Variants in AGPAT4 observed in about 807,000 individuals in gnomAD.
The protein encoded by AGPAT4 is 1-acylglycerol-3-phosphate O-acyltransferase 4, also known as 1-acyl-sn-glycerol-3-phosphate acyltransferase delta.
Under a neutral mutation model 48.0 loss-of-function variants are expected in AGPAT4, and 15 were observed. That is an observed-to-expected ratio of 0.31 (90% CI 0.21 to 0.48). AGPAT4 has a LOEUF of 0.48. Ranked by LOEUF, AGPAT4 falls within the 20% of genes least tolerant of loss-of-function variation. The pLI is 0.99. For missense variants in AGPAT4, 314 were observed against 482.5 expected, an observed-to-expected ratio of 0.65 and a Z score of 3.27; for synonymous variants, 178 against 198.7, an observed-to-expected ratio of 0.90 and a Z score of 0.88.
Position 161,148,903 on chromosome 6 carries a change from C to T in AGPAT4, c.767+284G>A, listed in dbSNP as rs934072165. Among the ~76,000 whole-genome samples the T allele has an allele frequency of 1.3e-5, 2 of 152,232 alleles. No individual in the cohort carries two copies. Among genetic ancestry groups the T allele is most frequent in the African/African-American group, 4.8e-5 (2 of 41,466 alleles). ...ACGAAAAGGGTCAATAACATATTCTCTTCACACCAACACCAAAATAATTAT... is the reference window on the plus strand; with the variant it reads ...ACGAAAAGGGTCAATAACATATTCTTTTCACACCAACACCAAAATAATTAT... On this transcript the variant is annotated intron_variant, in intron 6 of 8. Coordinates refer to ENST00000320285, the MANE Select transcript of AGPAT4 (RefSeq NM_020133.3). The surrounding 1 kb of genome is among the most constrained non-coding windows in gnomAD (Gnocchi z 5.5).
At chr6:161,265,195 TG>T (rs772408895) in intron 1 of AGPAT4, among the ~76,000 whole-genome samples, 3,243 of 77,172 alleles carry the variant, frequency 0.042, 72 homozygotes, top group Admixed American at 0.15. Context: ...GACTGGGTGC[TG>T]GATTAGTACC....
At chr6:161,211,068 G>A (rs913657962) in intron 2 of AGPAT4, among the ~76,000 whole-genome samples, 3 of 152,178 alleles carry the variant, frequency 2.0e-5, no homozygotes, top group African/African-American at 7.2e-5. Context: ...AAGCAAGATG[G>A]AGTCAGTTAC....
rs1054301792 is a variant in AGPAT4, at chr6:161,270,311, T to A, written c.-90+3627A>T. Among the ~76,000 whole-genome samples the A allele has an allele frequency of 2.6e-5, 4 of 152,166 alleles. No individual in the cohort carries two copies. The highest frequency in any genetic ancestry group is 4.4e-5 in the Non-Finnish European group (3 of 68,016). Reference sequence around the variant, plus strand: ...CCAAGCCCATGCATGAAGCCAGGTTTCAGAGTTCCAGCGCTTCCTTTCCAA... The same window carrying A: ...CCAAGCCCATGCATGAAGCCAGGTTACAGAGTTCCAGCGCTTCCTTTCCAA... On this transcript the variant is annotated intron_variant, in intron 1 of 8. Coordinates refer to ENST00000320285, the MANE Select transcript of AGPAT4 (RefSeq NM_020133.3). The surrounding 1 kb of genome is among the most constrained non-coding windows in gnomAD (Gnocchi z 5.3).
rs985359379 is a variant in AGPAT4 at position 161,259,979 on chromosome 6, G to T, written c.-90+13959C>A. The stretch of plus-strand genomic sequence containing the variant: ...CACTGGAGGAAACTTCCATTCACCT[G>T]GCGCTATACGTGTTTGGGGCTGGGG... On this transcript the variant is annotated intron_variant, in intron 1 of 8. Coordinates refer to ENST00000320285, the MANE Select transcript of AGPAT4 (RefSeq NM_020133.3). This position sits in a 1 kb window ranked among gnomAD's most constrained non-coding sequence, Gnocchi z 4.9. 2.6e-5 allele frequency among the ~76,000 whole-genome samples: 4 copies of T among 152,088 alleles called. No individual in the cohort carries two copies. Among genetic ancestry groups the T allele is most frequent in the African/African-American group, 7.2e-5 (3 of 41,420 alleles).
rs968409253 is a variant in AGPAT4, at chr6:161,205,578, A to G, written c.178+26458T>C. On this transcript the variant is annotated intron_variant, in intron 2 of 8. Coordinates refer to ENST00000320285, the MANE Select transcript of AGPAT4 (RefSeq NM_020133.3). ...TCTACTCAGGATGTCACCAATTACC[A>G]TGGAACATCAACTAGATAAATACCT... is the stretch of plus-strand genomic sequence containing the variant. Among the ~76,000 whole-genome samples the G allele has an allele frequency of 4.5e-4, 68 of 152,120 alleles. 1 individual carries two copies. Among genetic ancestry groups the G allele is most frequent in the Admixed American group, 4.3e-3 (66 of 15,266 alleles).
rs1779068627 is a variant in AGPAT4 at position 161,136,456 on chromosome 6, C to T, written c.*84G>A. 1.5e-6 allele frequency: 2 copies of T among 1,315,368 alleles called. No individual in the cohort carries two copies. The highest frequency in any genetic ancestry group is 2.2e-6 in the Non-Finnish European group (2 of 920,292). 81.5% of individuals were successfully genotyped at this position (1,315,368 alleles called of 1,614,324 possible). ...CGTGCCCAGCAGGGGCTCACCCAGCCTTTGTCACCGTGTCCCACTAAGGAG... is the reference window on the plus strand; with the variant it reads ...CGTGCCCAGCAGGGGCTCACCCAGCTTTTGTCACCGTGTCCCACTAAGGAG... On this transcript the variant is annotated 3_prime_UTR_variant, in exon 9 of 9. Transcript: ENST00000320285.
At position 161,212,805 on chromosome 6, in the gene AGPAT4, C is replaced by T. The variant is rs182215217; in HGVS notation, c.178+19231G>A. On this transcript the variant is annotated intron_variant, in intron 2 of 8. Coordinates refer to ENST00000320285, the MANE Select transcript of AGPAT4 (RefSeq NM_020133.3). The surrounding 1 kb of genome is among the most constrained non-coding windows in gnomAD (Gnocchi z 6.1). ...GGTGGTTTTATAATCAGCTATAGAA[C>T]TCTAACAGGTGTTCTTAAATGCAGG... Among the ~76,000 whole-genome samples the T allele has an allele frequency of 5.9e-5, 9 of 152,268 alleles. No homozygotes were observed. In the East Asian group the frequency reaches 7.7e-4, roughly 13 times the overall value.
At chr6:161,157,741 T>TAG (rs1236929698) in intron 3 of AGPAT4, among the ~76,000 whole-genome samples, 1 of 152,232 alleles carries the variant, frequency 6.6e-6, no homozygotes, top group Non-Finnish European at 1.5e-5. Flanking sequence ...AATATTAAGG[T>TAG]AGAAGCTTTT....
rs967563579 is a variant in AGPAT4 at position 161,138,461 on chromosome 6, G to A, written c.1042+961C>T. 7.2e-5 allele frequency among the ~76,000 whole-genome samples: 11 copies of A among 152,072 alleles called. No homozygotes were observed. Among genetic ancestry groups the A allele is most frequent in the Non-Finnish European group, 1.6e-4 (11 of 68,014 alleles). ...GAGCTGAAGAAACTCCACTGATACGGGTTTATAGATGCACATATGCTTGAG... is the reference window on the plus strand; with the variant it reads ...GAGCTGAAGAAACTCCACTGATACGAGTTTATAGATGCACATATGCTTGAG... On this transcript the variant is annotated intron_variant, in intron 8 of 8. Coordinates refer to ENST00000320285, the MANE Select transcript of AGPAT4 (RefSeq NM_020133.3). The surrounding 1 kb of genome is among the most constrained non-coding windows in gnomAD (Gnocchi z 4.8).
Position 161,145,360 on chromosome 6 carries a change from A to G in AGPAT4, c.843+1164T>C, listed in dbSNP as rs573367200. Among the ~76,000 whole-genome samples the G allele has an allele frequency of 2.6e-5, 4 of 151,760 alleles. No individual in the cohort carries two copies. In the South Asian group the frequency reaches 8.3e-4, roughly 31 times the overall value. On this transcript the variant is annotated intron_variant, in intron 7 of 8. Coordinates refer to ENST00000320285, the MANE Select transcript of AGPAT4 (RefSeq NM_020133.3). ...CATACATACAATTTGTAATTTGTGT[A>G]TTTGTAAGGGGATACCAGAGAGCAA...
rs750540926 is a variant in AGPAT4, at chr6:161,195,395, T to C, written c.179-28978A>G. ...GGCGGGTTATAAACACCTTTCATTATATGGCATGACCTGCAAGGAATGCTT... is the reference window on the plus strand; with the variant it reads ...GGCGGGTTATAAACACCTTTCATTACATGGCATGACCTGCAAGGAATGCTT... On this transcript the variant is annotated intron_variant, in intron 2 of 8. Coordinates refer to ENST00000320285, the MANE Select transcript of AGPAT4 (RefSeq NM_020133.3). The surrounding 1 kb of genome is among the most constrained non-coding windows in gnomAD (Gnocchi z 5.0). Among the ~76,000 whole-genome samples, 3 of 152,202 alleles carry C rather than the reference T, an allele frequency of 2.0e-5. No individual in the cohort carries two copies. Among genetic ancestry groups the C allele is most frequent in the Non-Finnish European group, 4.4e-5 (3 of 68,028 alleles).
At chr6:161,205,921 A>G (rs1192928619) in intron 2 of AGPAT4, among the ~76,000 whole-genome samples, 1 of 152,158 alleles carries the variant, frequency 6.6e-6, no homozygotes, top group African/African-American at 2.4e-5. Context: ...GCATGGCTAA[A>G]AACCCTGGAC....
At chr6:161,176,433 G>A (rs1406917202) in intron 2 of AGPAT4, among the ~76,000 whole-genome samples, 1 of 152,170 alleles carries the variant, frequency 6.6e-6, no homozygotes, top group Non-Finnish European at 1.5e-5. Flanking sequence ...TTTAAAGTCT[G>A]TTTTATCAGA....
Position 161,147,223 on chromosome 6 carries a change from CTG to C in AGPAT4, c.768-626_768-625del, listed in dbSNP as rs1338599347. 2.6e-5 allele frequency among the ~76,000 whole-genome samples: 4 copies of C among 152,114 alleles called. No homozygotes were observed. In the East Asian group the frequency reaches 7.7e-4, roughly 29 times the overall value. On this transcript the variant is annotated intron_variant, in intron 6 of 8. Transcript: ENST00000320285. This position sits in a 1 kb window ranked among gnomAD's most constrained non-coding sequence, Gnocchi z 4.8. ...TGGCTCAGACAGGGGTCTTGAGTCA[CTG>C]TGCACCAGCGAGAGCTCAGAGACTT...
At chr6:161,248,077 C>G (rs973930121) in intron 1 of AGPAT4, among the ~76,000 whole-genome samples, 1 of 146,122 alleles carries the variant, frequency 6.8e-6, no homozygotes, top group Non-Finnish European at 1.5e-5. Context: ...GGAAGTCAAA[C>G]TATCCCTGTT....
Position 161,166,272 on chromosome 6 carries a change from C to T in AGPAT4, c.324G>A (p.Leu108=), listed in dbSNP as rs1780094035. Residue 108 remains leucine, a synonymous_variant, in exon 3 of 9, where the codon CTG becomes CTA. Coordinates refer to ENST00000320285, the MANE Select transcript of AGPAT4 (RefSeq NM_020133.3). This position sits in a 1 kb window ranked among gnomAD's most constrained non-coding sequence, Gnocchi z 6.7. Reference sequence around the variant, plus strand: ...CCCCTAACAGCCCAAAGCGTTCGGACAGGCTCCAGCCACACAGAAAGTCAA... The same window carrying T: ...CCCCTAACAGCCCAAAGCGTTCGGATAGGCTCCAGCCACACAGAAAGTCAA... The part of the protein sequence containing the change: ...FEIDFLCGWS[L]SERFGLLGGS... The T allele has an allele frequency of 1.9e-6, 3 of 1,614,108 alleles. No individual in the cohort carries two copies. In the South Asian group the frequency reaches 3.3e-5, roughly 18 times the overall value.
intron 1 of AGPAT4, among the ~76,000 whole-genome samples, chr6:161,237,825 C>G (rs1004400847): frequency 6.6e-6 from 1 of 152,014 alleles, no homozygotes; most frequent in South Asian, 2.1e-4. Flanking sequence ...TCCCAGCCCC[C>G]GTGAAGGTTA....
rs1344301465 is a variant in AGPAT4, at chr6:161,219,170, C to CTATATA, written c.178+12860_178+12865dup. Among the ~76,000 whole-genome samples the CTATATA allele has an allele frequency of 6.6e-6, 1 of 151,930 alleles. No individual in the cohort carries two copies. The highest frequency in any genetic ancestry group is 1.5e-5 in the Non-Finnish European group (1 of 68,000). ...CTATTTCCCCCTTACTTTAAGTGTG[C>CTATATA]TATATAAATTCTATCTCCAGTATGG... On this transcript the variant is annotated intron_variant, in intron 2 of 8. Coordinates refer to ENST00000320285, the MANE Select transcript of AGPAT4 (RefSeq NM_020133.3). The surrounding 1 kb of genome is among the most constrained non-coding windows in gnomAD (Gnocchi z 4.9).
At chr6:161,273,792 A>ACG (rs1327962322) in intron 1 of AGPAT4, 146 bp downstream of exon 1, 3 of 49,096 alleles carry the variant, frequency 6.1e-5, no homozygotes, top group Admixed American at 2.0e-4. Flanking sequence ...CCCGCCTTGC[A>ACG]CTCCCCCCCC....
Sources: allele counts gnomAD v4.1 joint callset (sites outside exome capture counted in the v4.1 genomes callset), GRCh38; gene constraint gnomAD v4.1.1; non-coding constraint Gnocchi (gnomAD v3.1); transcripts MANE v1.5; gene names NCBI Gene and HGNC (gene_info 2026-07-23, HGNC 2026-07-21).